The following TRRAP variants were observed in gnomAD, a reference collection of about 807,000 sequenced individuals.
The protein encoded by TRRAP is transformation/transcription domain-associated protein.
Under a neutral mutation model 438.8 loss-of-function variants are expected in TRRAP, and 41 were observed. The observed-to-expected ratio is 0.09, with a 90% CI of 0.07 to 0.12. The LOEUF (loss-of-function observed/expected upper bound fraction) is 0.12. Among genes scored for constraint, TRRAP ranks in the 10% least tolerant of loss-of-function variants. TRRAP has a pLI of 1.00. For missense variants in TRRAP, 3,122 were observed against 5,055.1 expected, an observed-to-expected ratio of 0.62 and a Z score of 11.60; for synonymous variants, 1,994 against 1,962.9, an observed-to-expected ratio of 1.02 and a Z score of -0.42.
chr7:98,986,897 A>G (rs1262502069), intron 62 of TRRAP, among the ~76,000 whole-genome samples: 3 of 152,154 alleles, frequency 2.0e-5, no homozygotes, highest in Non-Finnish European at 4.4e-5. Flanking sequence ...AGGGGTCTAT[A>G]TTTATTATGC....
intron 47 of TRRAP, among the ~76,000 whole-genome samples, chr7:98,962,694 G>C (rs1330252632): frequency 6.6e-6 from 1 of 152,200 alleles, no homozygotes. Context: ...CATGTGTCCT[G>C]CCACCCCAGT....
intron 20 of TRRAP, among the ~76,000 whole-genome samples, chr7:98,918,882 C>G (rs1402896258): frequency 1.3e-5 from 2 of 151,730 alleles, no homozygotes; most frequent in Non-Finnish European, 2.9e-5. Context: ...ATGGCGAAAC[C>G]CTGTCTCTAC....
intron 40 of TRRAP, among the ~76,000 whole-genome samples, chr7:98,953,726 A>G (rs931917886): frequency 1.3e-5 from 2 of 152,188 alleles, no homozygotes; most frequent in Non-Finnish European, 2.9e-5. Context: ...GATGGGGCTC[A>G]TGGCTGCACA....
chr7:98,956,577 G>C lies in TRRAP; in HGVS notation c.6231+44G>C. The C allele has an allele frequency of 5.7e-6, 9 of 1,587,952 alleles. No individual in the cohort carries two copies. Among genetic ancestry groups the C allele is most frequent in the Non-Finnish European group, 7.7e-6 (9 of 1,169,670 alleles). On this transcript the variant is annotated intron_variant, in intron 43 of 72. Transcript: ENST00000456197. This position sits in a 1 kb window ranked among gnomAD's most constrained non-coding sequence, Gnocchi z 4.5. ...GTATGGGTGCTGCGCATTCTGCTGG[G>C]AGTTGGTTCGTTTATTCCCTATATT...
chr7:98,957,969 G>A lies in TRRAP; in HGVS notation c.6232-12G>A. 6.2e-7 allele frequency: 1 copy of A among 1,611,788 alleles called. No individual in the cohort carries two copies. Among genetic ancestry groups the A allele is most frequent in the Non-Finnish European group, 8.5e-7 (1 of 1,178,402 alleles). ...CGATTCTCTTCCTGCCTGAAAGGAG[G>A]TCCTTTTCCAGGTCTTTGGGAGGAG... On this transcript the variant is annotated splice_polypyrimidine_tract_variant and intron_variant, in intron 43 of 72. Coordinates refer to ENST00000456197, the MANE Select transcript of TRRAP (RefSeq NM_001375524.1).
chr7:99,011,730 C>T lies in TRRAP; in HGVS notation c.11337+195C>T, dbSNP rs1376037052. Among the ~76,000 whole-genome samples the T allele has an allele frequency of 1.3e-5, 2 of 152,254 alleles. No individual in the cohort carries two copies. The highest frequency in any genetic ancestry group is 3.8e-4 in the East Asian group (2 of 5,202). Reference sequence around the variant, plus strand: ...CTTTGGTTCACTCTTGTCTGTAGTGCTTGGAACGGGCCTGCCTGACACTCG... The same window carrying T: ...CTTTGGTTCACTCTTGTCTGTAGTGTTTGGAACGGGCCTGCCTGACACTCG... On this transcript the variant is annotated intron_variant, in intron 72 of 72. Transcript: ENST00000456197. This position sits in a 1 kb window ranked among gnomAD's most constrained non-coding sequence, Gnocchi z 7.1.
At chr7:98,933,164 T>C (rs920391889) in intron 26 of TRRAP, 77 bp from the exon 27 acceptor site, 30 of 1,464,500 alleles carry the variant, frequency 2.0e-5, no homozygotes, top group Non-Finnish European at 4.5e-6. Context: ...ATCTCAAACA[T>C]GGTTTTCACA....
In TRRAP at chr7:98,956,542, A is replaced by G; in HGVS notation, c.6231+9A>G. 6.2e-7 allele frequency: 1 copy of G among 1,611,372 alleles called. No individual in the cohort carries two copies. Among genetic ancestry groups the G allele is most frequent in the East Asian group, 2.2e-5 (1 of 44,858 alleles). ...CCGGAGCCATCAGTGCAGTAAGATC[A>G]TGTGCCTCTGTATGGGTGCTGCGCA... On this transcript the variant is annotated intron_variant, in intron 43 of 72. Transcript: ENST00000456197. This position sits in a 1 kb window ranked among gnomAD's most constrained non-coding sequence, Gnocchi z 4.5.
chr7:98,978,110 A>T (rs915751456), intron 56 of TRRAP, 101 bp from the exon 57 acceptor site: 13 of 1,069,900 alleles, frequency 1.2e-5, no homozygotes, highest in Non-Finnish European at 1.8e-5. Flanking sequence ...AACATAGCAA[A>T]ACCTCATCTC....
At chr7:99,010,262 G>A (rs1365020790) in intron 70 of TRRAP, among the ~76,000 whole-genome samples, 1 of 152,196 alleles carries the variant, frequency 6.6e-6, no homozygotes, top group African/African-American at 2.4e-5. Context: ...TTAATTTCTA[G>A]AGTTCTGACA....
intron 58 of TRRAP, 133 bp downstream of exon 58, chr7:98,979,037 T>G (rs1792792602): frequency 8.9e-7 from 1 of 1,126,962 alleles, no homozygotes; most frequent in Non-Finnish European, 1.2e-6. Flanking sequence ...GAAAGGTTCC[T>G]TTTGATTGTC....
At chr7:98,959,209 C>G in intron 44 of TRRAP, 135 bp from the exon 45 acceptor site, 1 of 1,227,890 alleles carries the variant, frequency 8.1e-7, no homozygotes, top group East Asian at 2.5e-5. Context: ...GGAGGTCAGG[C>G]GGAAGAGAGG....
intron 31 of TRRAP, among the ~76,000 whole-genome samples, chr7:98,944,238 GC>G (rs1554416306): frequency 6.6e-6 from 1 of 151,744 alleles, no homozygotes; most frequent in African/African-American, 2.4e-5. Context: ...TTTATAGTAA[GC>G]TATTAATTTT....
At chr7:99,009,307 G>A (rs551727141) in intron 70 of TRRAP, among the ~76,000 whole-genome samples, 1 of 152,298 alleles carries the variant, frequency 6.6e-6, no homozygotes, top group African/African-American at 2.4e-5. Context: ...GACCACAGAG[G>A]TGGATGCTGT....
chr7:98,936,360 CAG>C (rs1790557042), intron 28 of TRRAP, among the ~76,000 whole-genome samples: 1 of 152,148 alleles, frequency 6.6e-6, no homozygotes, highest in Non-Finnish European at 1.5e-5. Context: ...CCAAAGCCAA[CAG>C]GGGGACCAGG....
chr7:98,931,605 G>T lies in TRRAP; in HGVS notation c.3792G>T (p.Leu1264=). The change falls in exon 26 of 73, where the codon CTG becomes CTT. Residue 1264 remains leucine (L), a synonymous_variant. Transcript: ENST00000456197. ...TGAGGAAGCAGGCCATGCATTCGCTGCAGGTGTTGGCCCAGGTCACTGGGA... is the reference window on the plus strand; with the variant it reads ...TGAGGAAGCAGGCCATGCATTCGCTTCAGGTGTTGGCCCAGGTCACTGGGA... ...STVRKQAMHS[L]QVLAQVTGKS... 1 of 1,614,254 alleles carries T rather than the reference G, an allele frequency of 6.2e-7. No homozygotes were observed. Among genetic ancestry groups the T allele is most frequent in the Non-Finnish European group, 8.5e-7 (1 of 1,180,046 alleles).
chr7:98,920,242 G>A (rs1447756573), intron 20 of TRRAP, among the ~76,000 whole-genome samples: 1 of 152,130 alleles, frequency 6.6e-6, no homozygotes, highest in Non-Finnish European at 1.5e-5. Context: ...AGGCTGAGGC[G>A]GGTGGATCAC....
At chr7:98,899,596 T>C in intron 9 of TRRAP, 83 bp from the exon 10 acceptor site, 1 of 1,603,078 alleles carries the variant, frequency 6.2e-7, no homozygotes, top group Non-Finnish European at 8.5e-7. Flanking sequence ...ACATGCTAAA[T>C]AATGTGATGA....
rs79079003 is a variant in TRRAP, at chr7:98,901,483, T to A, written c.897+763T>A. On this transcript the variant is annotated intron_variant, in intron 11 of 72. Transcript: ENST00000456197. ...CATTGTGTGGATGTATCATGGTGTG[T>A]GTTTATCCATTCACCAACTGATGAG... Among the ~76,000 whole-genome samples, 466 of 152,354 alleles carry A rather than the reference T, an allele frequency of 3.1e-3. 2 individuals carry two copies. Among genetic ancestry groups the A allele is most frequent in the African/African-American group, 0.011 (456 of 41,588 alleles).
Sources: gnomAD v4.1 joint callset for allele counts (sites outside exome capture counted in the v4.1 genomes callset) on GRCh38, gnomAD v4.1.1 for gene constraint, Gnocchi (gnomAD v3.1) non-coding constraint, MANE v1.5 for transcripts, NCBI Gene and HGNC (gene_info 2026-07-23, HGNC 2026-07-21) for gene names.